Variants in JAZF1 observed in about 807,000 individuals in gnomAD.
JAZF1 encodes the protein juxtaposed with another zinc finger protein 1.
JAZF1 carries 8 observed loss-of-function variants against 26.4 expected under a neutral mutation model. The observed-to-expected ratio is 0.30, with a 90% CI of 0.18 to 0.55. JAZF1 has a LOEUF of 0.55. Among genes scored for constraint, JAZF1 ranks in the 20% least tolerant of loss-of-function variants. JAZF1 has a pLI of 0.94. For missense variants in JAZF1, 199 were observed against 322.0 expected (o/e 0.62, Z 2.92); for synonymous variants, 126 against 122.3 (o/e 1.03, Z -0.20).
intron 1 of JAZF1, among the ~76,000 whole-genome samples, chr7:28,112,708 G>C (rs1053788035): frequency 6.6e-6 from 1 of 152,142 alleles, no homozygotes; most frequent in Non-Finnish European, 1.5e-5. Context: ...AATGAATGGT[G>C]GGCCCGCCCA....
At chr7:28,032,693 T>C (rs1016623993) in intron 1 of JAZF1, among the ~76,000 whole-genome samples, 1 of 152,172 alleles carries the variant, frequency 6.6e-6, no homozygotes, top group Non-Finnish European at 1.5e-5. Context: ...CTGTGCTTCA[T>C]GCATTTCCAG....
intron 1 of JAZF1, among the ~76,000 whole-genome samples, chr7:28,046,532 T>C (rs974782211): frequency 2.0e-5 from 3 of 152,180 alleles, no homozygotes; most frequent in South Asian, 4.1e-4. Flanking sequence ...AGCAGAACTG[T>C]TAGGTCAAAA....
intron 4 of JAZF1, among the ~76,000 whole-genome samples, chr7:27,835,296 T>C (rs1466030883): frequency 6.6e-6 from 1 of 151,754 alleles, no homozygotes; most frequent in Non-Finnish European, 1.5e-5. Flanking sequence ...CTAATTAGGC[T>C]AAAAAAAAGA....
intron 3 of JAZF1, among the ~76,000 whole-genome samples, chr7:27,848,386 T>C (rs1454511058): frequency 1.3e-5 from 2 of 152,244 alleles, no homozygotes; most frequent in Non-Finnish European, 2.9e-5. Flanking sequence ...GATTTTTGTA[T>C]ATTGATAACG....
intron 2 of JAZF1, among the ~76,000 whole-genome samples, chr7:27,931,541 G>C (rs185809010): frequency 6.6e-6 from 1 of 152,192 alleles, no homozygotes; most frequent in Non-Finnish European, 1.5e-5. Context: ...GAGGCTGGGC[G>C]TGGTGGCTCA....
At chr7:28,059,077 G>C (rs1009612377) in intron 1 of JAZF1, among the ~76,000 whole-genome samples, 4 of 152,132 alleles carry the variant, frequency 2.6e-5, no homozygotes, top group African/African-American at 9.7e-5. Context: ...GGTGATAGTA[G>C]TAACATAATA....
chr7:28,155,085 T>C (rs530273491), intron 1 of JAZF1, among the ~76,000 whole-genome samples: 9 of 152,106 alleles, frequency 5.9e-5, no homozygotes, highest in Non-Finnish European at 7.4e-5. Flanking sequence ...CAAACCACTC[T>C]GCAATCACAT....
chr7:28,061,816 G>T (rs147925979), intron 1 of JAZF1, among the ~76,000 whole-genome samples: 59 of 152,290 alleles, frequency 3.9e-4, no homozygotes, highest in Middle Eastern at 3.4e-3. Flanking sequence ...AGACAAGTGG[G>T]TATTTCTTGA....
chr7:28,056,000 C>T (rs1477009796), intron 1 of JAZF1, among the ~76,000 whole-genome samples: 11 of 152,186 alleles, frequency 7.2e-5, no homozygotes, highest in African/African-American at 2.2e-4. Context: ...CTGCCTGATA[C>T]TACAGCTACA....
At chr7:28,158,205 G>GA (rs1562606908) in intron 1 of JAZF1, among the ~76,000 whole-genome samples, 4 of 89,208 alleles carry the variant, frequency 4.5e-5, no homozygotes, top group African/African-American at 1.3e-4. Flanking sequence ...AGAGAGAGAG[G>GA]GAGAGAGAGA....
chr7:28,067,156 C>T (rs1178006281), intron 1 of JAZF1, among the ~76,000 whole-genome samples: 8 of 152,174 alleles, frequency 5.3e-5, no homozygotes, highest in Non-Finnish European at 1.0e-4. Flanking sequence ...CTAAGTGAAA[C>T]TTTGTCATTT....
In JAZF1 at chr7:27,871,805, G is replaced by A. The variant is rs139260618; in HGVS notation, c.385+23415C>T. On this transcript the variant is annotated intron_variant, in intron 3 of 4. Coordinates refer to ENST00000283928, the MANE Select transcript of JAZF1 (RefSeq NM_175061.4). ...AATTAGAAGCGTGTGAAGGGTATAT[G>A]GTTCAAGTGGGCAGAACTTTTTCTG... is the stretch of plus-strand genomic sequence containing the variant. 5.7e-3 allele frequency among the ~76,000 whole-genome samples: 865 copies of A among 152,272 alleles called. 5 individuals are homozygous for A. Among genetic ancestry groups the A allele is most frequent in the African/African-American group, 0.017 (689 of 41,546 alleles).
intron 1 of JAZF1, among the ~76,000 whole-genome samples, chr7:28,013,327 G>C (rs189520948): frequency 1.8e-4 from 28 of 152,224 alleles, no homozygotes; most frequent in African/African-American, 6.7e-4. Flanking sequence ...AATACTAATG[G>C]AATACATAAA....
intron 1 of JAZF1, among the ~76,000 whole-genome samples, chr7:28,167,219 G>T (rs1048192554): frequency 6.6e-6 from 1 of 152,130 alleles, no homozygotes; most frequent in Non-Finnish European, 1.5e-5. Context: ...GGATTCCAGG[G>T]TCATGCATAA....
intron 3 of JAZF1, among the ~76,000 whole-genome samples, chr7:27,874,191 C>T (rs991752935): frequency 1.3e-5 from 2 of 152,214 alleles, no homozygotes; most frequent in African/African-American, 2.4e-5. Context: ...TCCATGGGCT[C>T]GTGCCAGCCC....
intron 1 of JAZF1, among the ~76,000 whole-genome samples, chr7:28,177,693 C>T (rs1783569121): frequency 1.3e-5 from 2 of 152,170 alleles, no homozygotes; most frequent in Non-Finnish European, 2.9e-5. Flanking sequence ...AATGTAACCA[C>T]TCACCAACAG....
chr7:28,067,982 C>T (rs1267455247), intron 1 of JAZF1, among the ~76,000 whole-genome samples: 2 of 152,168 alleles, frequency 1.3e-5, no homozygotes, highest in African/African-American at 2.4e-5. Flanking sequence ...GGTGCGATCT[C>T]AGCTCACTGA....
At chr7:28,047,682 A>C (rs937569771) in intron 1 of JAZF1, among the ~76,000 whole-genome samples, 4 of 152,084 alleles carry the variant, frequency 2.6e-5, no homozygotes, top group African/African-American at 9.7e-5. Context: ...ATTTCTCCTA[A>C]TCCATTGCTT....
intron 1 of JAZF1, among the ~76,000 whole-genome samples, chr7:28,134,803 T>A (rs868118222): frequency 9.9e-5 from 15 of 152,226 alleles, no homozygotes; most frequent in South Asian, 4.1e-4. Flanking sequence ...TATACTGTTT[T>A]ACACTATCAT....
Sources: gnomAD v4.1 joint callset for allele counts (sites outside exome capture counted in the v4.1 genomes callset) on GRCh38, gnomAD v4.1.1 for gene constraint, MANE v1.5 for transcripts, NCBI Gene and HGNC (gene_info 2026-07-23, HGNC 2026-07-21) for gene names.